The following ZNF536 variants were observed in gnomAD, a reference collection of about 807,000 sequenced individuals.
ZNF536 encodes zinc finger protein 536.
ZNF536 carries 13 observed loss-of-function variants against 84.5 expected under a neutral mutation model. The observed-to-expected ratio is 0.15, with a 90% CI of 0.10 to 0.24. The LOEUF (loss-of-function observed/expected upper bound fraction) is 0.24. Among genes scored for constraint, ZNF536 ranks in the 10% least tolerant of loss-of-function variants. The pLI, the probability that ZNF536 is intolerant of heterozygous loss-of-function variation, is 1.00. For synonymous variants in ZNF536, 811 were observed against 742.5 expected (o/e 1.09, Z -1.50); for missense variants, 1,536 against 1,747.5 (o/e 0.88, Z 2.16).
At position 30,548,088 on chromosome 19, in the gene ZNF536, T is replaced by G. The variant is rs1469705; in HGVS notation, c.2469T>G (p.Asp823Glu). The G allele has an allele frequency of 1.9e-6, 3 of 1,613,802 alleles. No homozygotes were observed. The South Asian group carries it at 3.3e-5, about 18-fold the overall frequency. ...AACCCCCAAATCAAGACCACAAGGA[T>G]GAGATGTCAAGCAAAGCTTCTCTGT... The part of the protein sequence containing the change: ...SGQPPNQDHK[D>E]EMSSKASLFI... Residue 823 changes from aspartate to glutamate, a missense_variant, in exon 4 of 5, where the codon GAT (aspartate) becomes GAG (glutamate). Asp to Glu is a conservative substitution (Grantham distance 45, BLOSUM62 2). Coordinates refer to ENST00000355537, the MANE Select transcript of ZNF536 (RefSeq NM_014717.3).
intron 1 of ZNF536, among the ~76,000 whole-genome samples, chr19:30,685,620 A>T (rs1280760655): frequency 6.6e-6 from 1 of 152,184 alleles, no homozygotes; most frequent in East Asian, 1.9e-4. Flanking sequence ...AAATGCCATA[A>T]AAATCATGGC....
intron 1 of ZNF536, among the ~76,000 whole-genome samples, chr19:30,629,388 G>C (rs1322322255): frequency 1.3e-5 from 2 of 152,028 alleles, no homozygotes; most frequent in African/African-American, 4.8e-5. Flanking sequence ...TGTAGACAGG[G>C]TTTTGCCATG....
At chr19:30,259,660 C>T (rs946436629) in intron 1 of ZNF536, among the ~76,000 whole-genome samples, 13 of 152,166 alleles carry the variant, frequency 8.5e-5, no homozygotes, top group African/African-American at 2.2e-4. Context: ...GTGTCATCTT[C>T]GTGTCCCAGA....
intron 2 of ZNF536, among the ~76,000 whole-genome samples, chr19:30,302,554 C>G (rs1055147734): frequency 2.6e-5 from 4 of 152,124 alleles, no homozygotes; most frequent in African/African-American, 9.7e-5. Context: ...AGACACAGGA[C>G]AAGAACTCAG....
At chr19:30,263,848 G>T (rs1186390940) in intron 1 of ZNF536, among the ~76,000 whole-genome samples, 1 of 150,418 alleles carries the variant, frequency 6.6e-6, no homozygotes, top group Non-Finnish European at 1.5e-5. Flanking sequence ...TCCCAGACTG[G>T]GCTAGGCTGA....
chr19:30,675,576 T>C (rs1336922630), intron 1 of ZNF536, among the ~76,000 whole-genome samples: 2 of 152,170 alleles, frequency 1.3e-5, no homozygotes, highest in Non-Finnish European at 2.9e-5. Context: ...AAAGTGTGGA[T>C]TGGAGAAGGA....
intron 1 of ZNF536, among the ~76,000 whole-genome samples, chr19:30,236,321 A>G (rs574030404): frequency 7.4e-4 from 113 of 152,118 alleles, no homozygotes; most frequent in Non-Finnish European, 1.5e-3. Flanking sequence ...TGCATGCACC[A>G]TTTCTTAAGC....
At chr19:30,264,739 C>G (rs866707166) in intron 1 of ZNF536, among the ~76,000 whole-genome samples, 1 of 152,056 alleles carries the variant, frequency 6.6e-6, no homozygotes, top group East Asian at 1.9e-4. Context: ...CTGTCCCAGC[C>G]GGCAGCAGTG....
At chr19:30,327,766 T>G (rs4805546) in intron 2 of ZNF536, among the ~76,000 whole-genome samples, 21 of 152,062 alleles carry the variant, frequency 1.4e-4, no homozygotes, top group Non-Finnish European at 2.6e-4. Context: ...TTGGATCTCC[T>G]AAGACCCTGG....
chr19:30,691,251 C>T (rs968006718), intron 1 of ZNF536, among the ~76,000 whole-genome samples: 1 of 152,056 alleles, frequency 6.6e-6, no homozygotes, highest in Non-Finnish European at 1.5e-5. Context: ...TCCGCTGGCC[C>T]ACCCCCCACA....
At chr19:30,406,637 G>A (rs1048365849) in intron 1 of ZNF536, among the ~76,000 whole-genome samples, 6 of 152,134 alleles carry the variant, frequency 3.9e-5, no homozygotes, top group South Asian at 2.1e-4. Context: ...GAAACTGTAC[G>A]GCCAGTTTTC....
At chr19:30,712,924 A>C (rs2052493898) in exon 2 of ZNF536, 1 of 63,216 alleles carries the variant, frequency 1.6e-5, no homozygotes, top group Non-Finnish European at 2.9e-5. Context: ...AGCAAAGAAA[A>C]ATAAAAAAAG....
At chr19:30,360,788 G>A (rs576802078) in intron 3 of ZNF536, among the ~76,000 whole-genome samples, 4 of 152,336 alleles carry the variant, frequency 2.6e-5, no homozygotes, top group South Asian at 2.1e-4. Flanking sequence ...TTAATGGTGT[G>A]TGGTAGTGAA....
chr19:30,593,616 A>T (rs1216502945), intron 1 of ZNF536, among the ~76,000 whole-genome samples: 2 of 152,084 alleles, frequency 1.3e-5, no homozygotes, highest in African/African-American at 4.8e-5. Flanking sequence ...CTTGGCTCTG[A>T]CCCCACCTGG....
intron 1 of ZNF536, among the ~76,000 whole-genome samples, chr19:30,623,427 A>G (rs2048562610): frequency 6.6e-6 from 1 of 152,234 alleles, no homozygotes; most frequent in Non-Finnish European, 1.5e-5. Flanking sequence ...GGCAGTGGCC[A>G]GCAATCCCCA....
At position 30,261,680 on chromosome 19, in the gene ZNF536, C is replaced by T. The variant is rs1331008254; in HGVS notation, c.-189-22392C>T. 7.4e-5 allele frequency among the ~76,000 whole-genome samples: 9 copies of T among 122,312 alleles called. No homozygotes were observed. The East Asian group carries it at 1.8e-3, about 25-fold the overall frequency. 80.2% of individuals were successfully genotyped at this position (122,312 alleles called of 152,430 possible). A position where few individuals can be genotyped will look rare whatever the true frequency, so the allele number is the denominator to read the frequency against. ...CACCACTGCACTCCAGCCTGGGCAACGGAGTGGGACCTTGTCCAAAAAAAA... is the reference window on the plus strand; with the variant it reads ...CACCACTGCACTCCAGCCTGGGCAATGGAGTGGGACCTTGTCCAAAAAAAA... On this transcript the variant is annotated intron_variant, in intron 1 of 5. Transcript: ENST00000585628.
chr19:30,407,737 T>C (rs1189154694), intron 1 of ZNF536, among the ~76,000 whole-genome samples: 1 of 152,242 alleles, frequency 6.6e-6, no homozygotes, highest in Non-Finnish European at 1.5e-5. Flanking sequence ...GGATTATGCT[T>C]GCATACCATT....
intron 1 of ZNF536, among the ~76,000 whole-genome samples, chr19:30,234,247 C>G (rs915095832): frequency 6.6e-6 from 1 of 152,054 alleles, no homozygotes; most frequent in Admixed American, 6.6e-5. Flanking sequence ...GAGCTGTGTT[C>G]AGTTGGGTCT....
chr19:30,598,123 T>G (rs911997035), intron 1 of ZNF536, among the ~76,000 whole-genome samples: 2 of 152,120 alleles, frequency 1.3e-5, no homozygotes, highest in African/African-American at 2.4e-5. Flanking sequence ...CCCGCCAGCT[T>G]CTTGACTTGA....
Sources: gnomAD v4.1 joint callset for allele counts (sites outside exome capture counted in the v4.1 genomes callset) on GRCh38, gnomAD v4.1.1 for gene constraint, MANE v1.5 for transcripts, NCBI Gene and HGNC (gene_info 2026-07-23, HGNC 2026-07-21) for gene names.